DPP10: variants seen among roughly 807,000 people sequenced by gnomAD.
The protein encoded by DPP10 is inactive dipeptidyl peptidase 10.
Under a neutral mutation model 120.9 loss-of-function variants are expected in DPP10, and 33 were observed. The ratio of observed to expected loss-of-function variants is 0.27; its 90% CI spans 0.21 to 0.37. DPP10 has a LOEUF of 0.37. Ranked by LOEUF, DPP10 falls within the 10% of genes least tolerant of loss-of-function variation. The pLI is 1.00. For synonymous variants in DPP10, 337 were observed against 326.1 expected, an observed-to-expected ratio of 1.03 and a Z score of -0.36; for missense variants, 816 against 942.8, an observed-to-expected ratio of 0.87 and a Z score of 1.76.
At chr2:115,498,301 T>C (rs1188638358) in intron 3 of DPP10, among the ~76,000 whole-genome samples, 2 of 152,166 alleles carry the variant, frequency 1.3e-5, no homozygotes, top group African/African-American at 4.8e-5. Context: ...TCTTGCTTCT[T>C]GTCATATAAA....
At chr2:115,189,883 C>T (rs2054744129) in intron 1 of DPP10, among the ~76,000 whole-genome samples, 2 of 152,198 alleles carry the variant, frequency 1.3e-5, no homozygotes, top group South Asian at 2.1e-4. Context: ...TTTTTCTAGC[C>T]ACCCTGTGAA....
chr2:115,340,216 CATAATT>C (rs1484879441), intron 2 of DPP10, among the ~76,000 whole-genome samples: 2 of 151,952 alleles, frequency 1.3e-5, no homozygotes, highest in African/African-American at 2.4e-5. Flanking sequence ...AATAAAAACT[CATAATT>C]GAAATGTTTA....
chr2:114,923,873 T>TAAG, intron 1 of DPP10, among the ~76,000 whole-genome samples: 1 of 152,262 alleles, frequency 6.6e-6, no homozygotes, highest in Non-Finnish European at 1.5e-5. Flanking sequence ...GTGTCATATC[T>TAAG]AAGAATATTA....
chr2:114,805,552 T>C (rs1684651567), intron 1 of DPP10, among the ~76,000 whole-genome samples: 1 of 152,226 alleles, frequency 6.6e-6, no homozygotes, highest in Non-Finnish European at 1.5e-5. Context: ...TACTTAACGC[T>C]AGCCCTTCTC....
At chr2:114,900,158 C>T (rs952902479) in intron 1 of DPP10, among the ~76,000 whole-genome samples, 1 of 152,116 alleles carries the variant, frequency 6.6e-6, no homozygotes, top group Non-Finnish European at 1.5e-5. Flanking sequence ...TAGTCAATAA[C>T]AACGTACACT....
At chr2:114,886,463 G>C (rs1692079129) in intron 1 of DPP10, among the ~76,000 whole-genome samples, 2 of 152,014 alleles carry the variant, frequency 1.3e-5, no homozygotes, top group Non-Finnish European at 2.9e-5. Flanking sequence ...CCCCATAATA[G>C]TGCCTACAAG....
chr2:115,398,887 T>C (rs1433888193), intron 3 of DPP10, among the ~76,000 whole-genome samples: 1 of 152,184 alleles, frequency 6.6e-6, no homozygotes, highest in African/African-American at 2.4e-5. Context: ...ATTTATGTTA[T>C]AGTTTGAGAT....
intron 1 of DPP10, among the ~76,000 whole-genome samples, chr2:115,132,807 C>T (rs1478844327): frequency 1.3e-5 from 2 of 152,042 alleles, no homozygotes; most frequent in African/African-American, 4.8e-5. Flanking sequence ...ATAAACCCCA[C>T]TAATTGCCCA....
intron 1 of DPP10, among the ~76,000 whole-genome samples, chr2:114,761,775 C>T (rs980134657): frequency 2.6e-5 from 4 of 152,176 alleles, no homozygotes; most frequent in Non-Finnish European, 5.9e-5. Flanking sequence ...CACTTCCCAC[C>T]ATATTACTGC....
chr2:114,851,034 G>A (rs1001831311), intron 1 of DPP10, among the ~76,000 whole-genome samples: 1 of 152,106 alleles, frequency 6.6e-6, no homozygotes, highest in African/African-American at 2.4e-5. Context: ...ATTCTCTAGA[G>A]AGAATTTTAC....
At chr2:114,780,115 G>A (rs1682176158) in intron 1 of DPP10, among the ~76,000 whole-genome samples, 1 of 151,578 alleles carries the variant, frequency 6.6e-6, no homozygotes, top group Non-Finnish European at 1.5e-5. Flanking sequence ...CAGCCTGGGT[G>A]ACAAAGCGAG....
intron 1 of DPP10, among the ~76,000 whole-genome samples, chr2:114,533,670 C>T (rs1249479054): frequency 6.6e-6 from 1 of 152,084 alleles, no homozygotes; most frequent in African/African-American, 2.4e-5. Flanking sequence ...ATTTTTGAAT[C>T]TTGAATGTTT....
At chr2:115,536,105 T>A (rs2078816526) in intron 5 of DPP10, among the ~76,000 whole-genome samples, 1 of 152,034 alleles carries the variant, frequency 6.6e-6, no homozygotes, top group South Asian at 2.1e-4. Context: ...ATAGAGAATC[T>A]GAAAATACAC....
At chr2:114,829,291 A>T (rs146087008) in intron 1 of DPP10, among the ~76,000 whole-genome samples, 2 of 152,000 alleles carry the variant, frequency 1.3e-5, no homozygotes, top group Admixed American at 6.6e-5. Flanking sequence ...CTCCATCTCA[A>T]AAATAAATAA....
At chr2:114,539,490 G>A (rs1374812814) in intron 1 of DPP10, among the ~76,000 whole-genome samples, 1 of 152,032 alleles carries the variant, frequency 6.6e-6, no homozygotes, top group African/African-American at 2.4e-5. Flanking sequence ...TCCCCTAAAC[G>A]TGTGCTGTAG....
intron 3 of DPP10, among the ~76,000 whole-genome samples, chr2:115,351,728 A>C (rs2064049238): frequency 6.6e-6 from 1 of 152,068 alleles, no homozygotes; most frequent in African/African-American, 2.4e-5. Flanking sequence ...TTCCTACTAA[A>C]ACTAAACAAA....
chr2:115,670,804 C>A (rs1370014121), intron 5 of DPP10, among the ~76,000 whole-genome samples: 1 of 152,072 alleles, frequency 6.6e-6, no homozygotes, highest in Non-Finnish European at 1.5e-5. Context: ...TTGCTCTGAT[C>A]CCAATGATAG....
intron 1 of DPP10, among the ~76,000 whole-genome samples, chr2:114,596,549 T>C (rs1691924067): frequency 6.6e-6 from 1 of 152,070 alleles, no homozygotes; most frequent in African/African-American, 2.4e-5. Context: ...ATATAATGCA[T>C]CATTTTAACT....
chr2:114,447,188 G>A (rs1220441794), intron 1 of DPP10, among the ~76,000 whole-genome samples: 2 of 151,884 alleles, frequency 1.3e-5, no homozygotes, highest in African/African-American at 2.4e-5. Context: ...GTAGAGACGG[G>A]GTTTCACCAC....
Sources: gnomAD v4.1 joint callset for allele counts (sites outside exome capture counted in the v4.1 genomes callset) on GRCh38, gnomAD v4.1.1 for gene constraint, MANE v1.5 for transcripts, NCBI Gene and HGNC (gene_info 2026-07-23, HGNC 2026-07-21) for gene names.